The following CDH13 variants were observed in gnomAD, a reference collection of about 807,000 sequenced individuals.
The protein encoded by CDH13 is cadherin 13, also known as cadherin-13.
A neutral mutation model predicts 63.8 loss-of-function variants in CDH13; 24 were observed. That is an observed-to-expected ratio of 0.38 (90% CI 0.27 to 0.53). The LOEUF (loss-of-function observed/expected upper bound fraction) is 0.53, where lower values mean the gene tolerates loss of function less well. Ranked by LOEUF, CDH13 falls within the 20% of genes least tolerant of loss-of-function variation. The pLI, the probability that CDH13 is intolerant of heterozygous loss-of-function variation, is 0.85. For synonymous variants in CDH13, 503 were observed against 355.3 expected, an observed-to-expected ratio of 1.42 and a Z score of -4.67; for missense variants, 1,049 against 903.1, an observed-to-expected ratio of 1.16 and a Z score of -2.07.
intron 1 of CDH13, among the ~76,000 whole-genome samples, chr16:82,708,792 C>G (rs72837573): frequency 0.054 from 8,233 of 152,120 alleles, 313 homozygotes; most frequent in Middle Eastern, 0.085. Context: ...CACCCCTCCC[C>G]AGACTGACCC....
intron 7 of CDH13, among the ~76,000 whole-genome samples, chr16:83,517,656 C>T (rs1240540643): frequency 1.3e-5 from 2 of 152,174 alleles, no homozygotes; most frequent in African/African-American, 4.8e-5. Context: ...TTGTTTGTTG[C>T]AGTGACAGTC....
chr16:83,782,608 T>C (rs1915603970), intron 12 of CDH13, among the ~76,000 whole-genome samples: 1 of 151,822 alleles, frequency 6.6e-6, no homozygotes, highest in Admixed American at 6.6e-5. Flanking sequence ...TGGTAGTGTG[T>C]GCCTGTAATC....
At chr16:83,334,133 A>G (rs2090536189) in intron 5 of CDH13, among the ~76,000 whole-genome samples, 1 of 151,976 alleles carries the variant, frequency 6.6e-6, no homozygotes, top group African/African-American at 2.4e-5. Context: ...ACAGCTGTTC[A>G]TGTCCTTCAC....
intron 2 of CDH13, among the ~76,000 whole-genome samples, chr16:82,905,429 A>T (rs1430791913): frequency 7.6e-6 from 1 of 131,486 alleles, no homozygotes; most frequent in African/African-American, 3.0e-5. Context: ...ACCATGAATC[A>T]CACGTGTGTG....
At chr16:83,761,093 C>T (rs139020175) in intron 11 of CDH13, among the ~76,000 whole-genome samples, 7 of 152,258 alleles carry the variant, frequency 4.6e-5, no homozygotes, top group East Asian at 3.9e-4. Context: ...TGGTAGCAAA[C>T]GATAACTTTC....
At chr16:82,977,941 T>C (rs1013156266) in intron 2 of CDH13, among the ~76,000 whole-genome samples, 2 of 152,152 alleles carry the variant, frequency 1.3e-5, no homozygotes, top group African/African-American at 4.8e-5. Flanking sequence ...AAAATGCTGA[T>C]AGTGATATGG....
intron 7 of CDH13, among the ~76,000 whole-genome samples, chr16:83,535,746 G>C (rs2075170417): frequency 6.7e-6 from 1 of 150,048 alleles, no homozygotes; most frequent in African/African-American, 2.4e-5. Flanking sequence ...TATTAAGTGA[G>C]TGAATGGAAG....
chr16:83,238,740 TTTTG>T (rs112488110), intron 5 of CDH13, among the ~76,000 whole-genome samples: 114,050 of 150,632 alleles, frequency 0.76, 43,760 homozygotes, highest in East Asian at 0.98. Context: ...ATATGTGTTT[TTTTG>T]TTTGTTTGTT....
chr16:82,878,666 T>C (rs1187895523), intron 2 of CDH13, among the ~76,000 whole-genome samples: 1 of 150,732 alleles, frequency 6.6e-6, no homozygotes, highest in African/African-American at 2.4e-5. Context: ...GGGGCATGGT[T>C]GTTGGTCCAA....
At chr16:83,018,829 G>T (rs1319359180) in intron 2 of CDH13, among the ~76,000 whole-genome samples, 1 of 152,186 alleles carries the variant, frequency 6.6e-6, no homozygotes, top group Non-Finnish European at 1.5e-5. Context: ...AATGGCAAGT[G>T]GTTGTGTATC....
intron 2 of CDH13, among the ~76,000 whole-genome samples, chr16:82,930,109 A>G (rs1369790699): frequency 2.1e-5 from 3 of 139,740 alleles, no homozygotes; most frequent in African/African-American, 5.3e-5. Flanking sequence ...TATTGGTGCA[A>G]TCTCAGCTCA....
At chr16:83,098,829 C>G (rs751022963) in intron 3 of CDH13, among the ~76,000 whole-genome samples, 1 of 152,070 alleles carries the variant, frequency 6.6e-6, no homozygotes, top group African/African-American at 2.4e-5. Context: ...TGATAAGAAA[C>G]ATTTTTGAGT....
At chr16:83,700,143 G>A (rs952970935) in intron 10 of CDH13, among the ~76,000 whole-genome samples, 1 of 152,116 alleles carries the variant, frequency 6.6e-6, no homozygotes, top group African/African-American at 2.4e-5. Context: ...GTAGATTAGT[G>A]TACATTTTGT....
chr16:83,156,981 G>C (rs2037233472), intron 4 of CDH13, among the ~76,000 whole-genome samples: 1 of 152,158 alleles, frequency 6.6e-6, no homozygotes, highest in African/African-American at 2.4e-5. Flanking sequence ...GGGTGTCATA[G>C]TTAATAAGAT....
At chr16:82,954,160 T>G (rs1215286123) in intron 2 of CDH13, 3 of 152,174 alleles carry the variant, frequency 2.0e-5, no homozygotes, top group African/African-American at 7.2e-5. Context: ...GCCACCCCCC[T>G]TGGCACGTCT....
rs972580953 is a variant in CDH13, at chr16:83,800,034, A to G, written c.*5004A>G. On this transcript the variant is annotated 3_prime_UTR_variant, in exon 14 of 14. Transcript: ENST00000567109. ...AGCGGAAAAATTTCCTCTCTCTCAT[A>G]CTATGTTGCTATCATCACATCTATC... 3 of 152,230 alleles carry G rather than the reference A, an allele frequency of 2.0e-5. No individual in the cohort carries two copies. The highest frequency in any genetic ancestry group is 7.2e-5 in the African/African-American group (3 of 41,448). 9.4% of individuals were successfully genotyped at this position (152,230 alleles called of 1,614,324 possible).
chr16:83,762,019 G>A (rs1914014551), intron 11 of CDH13, among the ~76,000 whole-genome samples: 1 of 152,044 alleles, frequency 6.6e-6, no homozygotes, highest in Admixed American at 6.6e-5. Flanking sequence ...GTGAGCTAAC[G>A]CCACTGCACT....
chr16:83,084,200 C>A (rs555000302), intron 3 of CDH13, among the ~76,000 whole-genome samples: 2 of 152,146 alleles, frequency 1.3e-5, no homozygotes, highest in African/African-American at 4.8e-5. Flanking sequence ...AGATTGGAGC[C>A]AACTGATTGC....
At chr16:83,570,872 A>T (rs1352099852) in intron 7 of CDH13, among the ~76,000 whole-genome samples, 2 of 137,964 alleles carry the variant, frequency 1.4e-5, no homozygotes, top group Non-Finnish European at 3.1e-5. Context: ...ATATTTATAT[A>T]TTTATATTTA....
Sources: allele counts gnomAD v4.1 joint callset (sites outside exome capture counted in the v4.1 genomes callset), GRCh38; gene constraint gnomAD v4.1.1; transcripts MANE v1.5; gene names NCBI Gene and HGNC (gene_info 2026-07-23, HGNC 2026-07-21).